XKR4: variants seen among roughly 807,000 people sequenced by gnomAD.
XKR4 encodes XK-related protein 4.
Under a neutral mutation model 53.9 loss-of-function variants are expected in XKR4, and 12 were observed. The ratio of observed to expected loss-of-function variants is 0.22; its 90% confidence interval spans 0.14 to 0.36. The LOEUF is 0.36. Among genes scored for constraint, XKR4 ranks in the 10% least tolerant of loss-of-function variants. The probability of loss-of-function intolerance (pLI) is 1.00; values close to 1 mark genes in which losing one functional copy is unlikely to be tolerated. For synonymous variants in XKR4, 354 were observed against 362.4 expected, an observed-to-expected ratio of 0.98 and a Z score of 0.26; for missense variants, 799 against 859.5, an observed-to-expected ratio of 0.93 and a Z score of 0.88.
chr8:55,387,814 G>C (rs1245462125), intron 2 of XKR4, among the ~76,000 whole-genome samples: 2 of 152,158 alleles, frequency 1.3e-5, no homozygotes, highest in Non-Finnish European at 2.9e-5. Flanking sequence ...AGGGTGAACT[G>C]TAGCTCTAGA....
At chr8:55,359,180 C>G (rs1440436543) in intron 2 of XKR4, among the ~76,000 whole-genome samples, 4 of 152,210 alleles carry the variant, frequency 2.6e-5, no homozygotes, top group South Asian at 2.1e-4. Flanking sequence ...ACGGAGAAGG[C>G]AGAAGGCCGT....
At position 55,403,503 on chromosome 8, in the gene XKR4, C is replaced by T. The variant is rs1804638822; in HGVS notation, c.1006+45626C>T. Among the ~76,000 whole-genome samples, 7 of 152,290 alleles carry T rather than the reference C, an allele frequency of 4.6e-5. No homozygotes were observed. The South Asian group carries it at 1.5e-3, about 32-fold the overall frequency. Reference sequence around the variant, plus strand: ...AGACTTACCTTTAGAAAAATATCACCCGAATGCAGACAACCATTAGCCTTT... The same window carrying T: ...AGACTTACCTTTAGAAAAATATCACTCGAATGCAGACAACCATTAGCCTTT... On this transcript the variant is annotated intron_variant, in intron 2 of 2. Coordinates refer to ENST00000327381, the MANE Select transcript of XKR4 (RefSeq NM_052898.2).
intron 1 of XKR4, among the ~76,000 whole-genome samples, chr8:55,261,538 T>A (rs1044884496): frequency 3.9e-5 from 6 of 152,226 alleles, no homozygotes; most frequent in Admixed American, 3.9e-4. Flanking sequence ...AACCCATCAT[T>A]TTTTGAAGAG....
intron 1 of XKR4, among the ~76,000 whole-genome samples, chr8:55,120,995 C>T (rs780852299): frequency 1.3e-5 from 2 of 152,154 alleles, no homozygotes; most frequent in Non-Finnish European, 2.9e-5. Flanking sequence ...TGTCTTCTTT[C>T]ACTTAGCAGT....
At chr8:55,185,318 A>G (rs1817361715) in intron 1 of XKR4, among the ~76,000 whole-genome samples, 2 of 152,232 alleles carry the variant, frequency 1.3e-5, no homozygotes, top group South Asian at 4.1e-4. Context: ...AACCACTGGC[A>G]TTGAGGCAAT....
At chr8:55,347,480 T>C (rs1803665903) in intron 1 of XKR4, among the ~76,000 whole-genome samples, 1 of 152,210 alleles carries the variant, frequency 6.6e-6, no homozygotes, top group African/African-American at 2.4e-5. Context: ...ATTGAGATTA[T>C]GTGGATAAAG....
Position 55,527,610 on chromosome 8 carries a change from T to C in XKR4, c.*3383T>C, listed in dbSNP as rs1246930063. 2 of 152,214 alleles carry C rather than the reference T, an allele frequency of 1.3e-5. No individual in the cohort carries two copies. Among genetic ancestry groups the C allele is most frequent in the South Asian group, 2.1e-4 (1 of 4,832 alleles). The allele number at this position is 152,214 out of a possible 1,614,324, so 9.4% of individuals were successfully genotyped here. ...AAAGTTTAGTCTCCCAAAATGACTA[T>C]GTCCTTTAAATCCTCTTTGCTTATT... On this transcript the variant is annotated 3_prime_UTR_variant, in exon 3 of 3. Coordinates refer to ENST00000327381, the MANE Select transcript of XKR4 (RefSeq NM_052898.2).
At chr8:55,481,577 G>A (rs923018946) in intron 2 of XKR4, among the ~76,000 whole-genome samples, 5 of 152,026 alleles carry the variant, frequency 3.3e-5, no homozygotes, top group Non-Finnish European at 7.4e-5. Flanking sequence ...CTTCTGCACA[G>A]CAAAAGAAAC....
At chr8:55,351,829 C>G (rs1477764077) in intron 1 of XKR4, among the ~76,000 whole-genome samples, 1 of 152,202 alleles carries the variant, frequency 6.6e-6, no homozygotes, top group African/African-American at 2.4e-5. Flanking sequence ...ATACAATAAC[C>G]AACTTTGTTA....
At chr8:55,267,989 G>A (rs1191834275) in intron 1 of XKR4, among the ~76,000 whole-genome samples, 1 of 152,066 alleles carries the variant, frequency 6.6e-6, no homozygotes, top group Non-Finnish European at 1.5e-5. Flanking sequence ...TCTGGCTAAG[G>A]GATAAAAGAG....
At chr8:55,498,219 G>A (rs368683138) in intron 2 of XKR4, among the ~76,000 whole-genome samples, 5 of 152,202 alleles carry the variant, frequency 3.3e-5, no homozygotes, top group South Asian at 4.1e-4. Context: ...TCTGGCAGCC[G>A]CTGCGCCCTA....
At chr8:55,255,412 A>G (rs1415656792) in intron 1 of XKR4, among the ~76,000 whole-genome samples, 1 of 152,166 alleles carries the variant, frequency 6.6e-6, no homozygotes, top group Non-Finnish European at 1.5e-5. Flanking sequence ...TTCCCACACA[A>G]TTTCCAGCAT....
chr8:55,255,646 C>T (rs1205247318), intron 1 of XKR4, among the ~76,000 whole-genome samples: 1 of 151,990 alleles, frequency 6.6e-6, no homozygotes, highest in Non-Finnish European at 1.5e-5. Flanking sequence ...TATATATCTG[C>T]ACACATACAA....
At chr8:55,218,393 G>A (rs905256394) in intron 1 of XKR4, among the ~76,000 whole-genome samples, 13 of 152,152 alleles carry the variant, frequency 8.5e-5, no homozygotes, top group Non-Finnish European at 1.6e-4. Flanking sequence ...CATAGTATGA[G>A]GCTAAATGCT....
intron 1 of XKR4, among the ~76,000 whole-genome samples, chr8:55,244,834 A>G (rs1351899832): frequency 6.7e-6 from 1 of 150,260 alleles, no homozygotes; most frequent in Non-Finnish European, 1.5e-5. Context: ...GCATTTTTTC[A>G]TATGCTCGCT....
intron 1 of XKR4, among the ~76,000 whole-genome samples, chr8:55,172,049 A>G (rs1181729601): frequency 1.3e-5 from 2 of 152,030 alleles, no homozygotes; most frequent in East Asian, 3.9e-4. Context: ...CCTCATCTCT[A>G]CTAAAAATAC....
intron 1 of XKR4, among the ~76,000 whole-genome samples, chr8:55,216,157 A>G (rs1817794608): frequency 6.6e-6 from 1 of 152,274 alleles, no homozygotes; most frequent in African/African-American, 2.4e-5. Context: ...ATTAAAAATC[A>G]TGCATTATCA....
At chr8:55,476,168 C>G (rs947511964) in intron 2 of XKR4, among the ~76,000 whole-genome samples, 3 of 152,036 alleles carry the variant, frequency 2.0e-5, no homozygotes, top group Non-Finnish European at 4.4e-5. Flanking sequence ...TACATTTTCA[C>G]AGTTCTCCCA....
At chr8:55,308,136 C>T (rs1034694005) in intron 1 of XKR4, among the ~76,000 whole-genome samples, 17 of 152,062 alleles carry the variant, frequency 1.1e-4, no homozygotes, top group African/African-American at 4.1e-4. Context: ...GCCTGTAGTC[C>T]CAGTTACTCG....
Sources: allele counts gnomAD v4.1 joint callset (sites outside exome capture counted in the v4.1 genomes callset), GRCh38; gene constraint gnomAD v4.1.1; transcripts MANE v1.5; gene names NCBI Gene and HGNC (gene_info 2026-07-23, HGNC 2026-07-21).